Variants in TRPM3 observed in about 807,000 individuals in gnomAD.
TRPM3 encodes the protein long transient receptor potential channel 3.
A neutral mutation model predicts 181.2 loss-of-function variants in TRPM3; 77 were observed. The observed-to-expected ratio is 0.42, with a 90% CI of 0.35 to 0.51. The LOEUF (loss-of-function observed/expected upper bound fraction) is 0.51. TRPM3 is among the 20% of genes least tolerant of loss of function. The probability of loss-of-function intolerance (pLI) is 0.01; values close to 1 mark genes in which losing one functional copy is unlikely to be tolerated. For missense variants in TRPM3, 1,759 were observed against 2,196.7 expected, an observed-to-expected ratio of 0.80 and a Z score of 3.98; for synonymous variants, 745 against 796.4, an observed-to-expected ratio of 0.94 and a Z score of 1.09.
intron 9 of TRPM3, among the ~76,000 whole-genome samples, chr9:70,675,397 A>C (rs1324308684): frequency 2.6e-5 from 4 of 152,218 alleles, no homozygotes; most frequent in Admixed American, 2.6e-4. Flanking sequence ...TGCCAGGCCC[A>C]TGTTATTTTT....
chr9:70,910,599 T>C (rs10868928), intron 1 of TRPM3, among the ~76,000 whole-genome samples: 47,961 of 152,116 alleles, frequency 0.32, 8,702 homozygotes, highest in Non-Finnish European at 0.39. Flanking sequence ...AGGTATGCCA[T>C]AGAAGCTGAA....
chr9:70,664,966 C>T (rs906608834), intron 9 of TRPM3, among the ~76,000 whole-genome samples: 8 of 152,262 alleles, frequency 5.3e-5, no homozygotes, highest in South Asian at 2.1e-4. Flanking sequence ...GTACCTCTCA[C>T]GCCCTCCCAG....
intron 1 of TRPM3, among the ~76,000 whole-genome samples, chr9:71,380,503 G>A (rs766763383): frequency 9.9e-5 from 15 of 151,798 alleles, no homozygotes; most frequent in Non-Finnish European, 1.9e-4. Flanking sequence ...CCTTAATCCT[G>A]GGGAATCAGT....
chr9:70,851,524 T>C (rs992425732), intron 3 of TRPM3, among the ~76,000 whole-genome samples: 17 of 152,182 alleles, frequency 1.1e-4, no homozygotes, highest in African/African-American at 3.4e-4. Flanking sequence ...CAGTAAGAAA[T>C]GAAAAGGGTC....
At chr9:71,167,167 C>T (rs1330374447) in intron 1 of TRPM3, among the ~76,000 whole-genome samples, 1 of 152,044 alleles carries the variant, frequency 6.6e-6, no homozygotes, top group East Asian at 1.9e-4. Context: ...TTTAAAAGAC[C>T]ATTTGTGCTA....
intron 1 of TRPM3, among the ~76,000 whole-genome samples, chr9:71,146,391 G>A (rs566628772): frequency 4.6e-5 from 7 of 152,188 alleles, no homozygotes; most frequent in Non-Finnish European, 8.8e-5. Flanking sequence ...ACGAAATTTT[G>A]AAACCTCAAG....
chr9:71,389,429 C>T lies in TRPM3; in HGVS notation c.183+57224G>A, dbSNP rs375108237. 4.6e-5 allele frequency among the ~76,000 whole-genome samples: 7 copies of T among 152,092 alleles called. No individual in the cohort carries two copies. The East Asian group carries it at 9.6e-4, about 21-fold the overall frequency. On this transcript the variant is annotated intron_variant, in intron 1 of 24. Coordinates refer to the TRPM3 transcript ENST00000357533. ...CACTATGGAAAACAGTGTGGAGATT[C>T]CCTAAAGAACTAAAAGTAGAACTAC...
At chr9:71,225,349 G>A (rs2309890) in intron 1 of TRPM3, among the ~76,000 whole-genome samples, 60,689 of 151,246 alleles carry the variant, frequency 0.4, 12,950 homozygotes, top group East Asian at 0.52. Context: ...GAAAAAAAAA[G>A]AACTTTTACC....
rs112600276 is a variant in TRPM3, at chr9:71,032,089, A to AG, written c.177+89088_177+89089insC. On this transcript the variant is annotated intron_variant, in intron 1 of 25. Transcript: ENST00000677713. ...ATATTATATTATATTATATATATAT[A>AG]ATTATATAATATTATATATATTATA... 2.5e-4 allele frequency among the ~76,000 whole-genome samples: 3 copies of AG among 11,996 alleles called. No individual in the cohort carries two copies. The Admixed American group carries it at 4.3e-3, about 17-fold the overall frequency. The allele number at this position is 11,996 out of a possible 152,430, so 7.9% of individuals were successfully genotyped here.
intron 1 of TRPM3, among the ~76,000 whole-genome samples, chr9:71,018,316 A>C (rs2097803198): frequency 6.6e-6 from 1 of 151,774 alleles, no homozygotes; most frequent in Non-Finnish European, 1.5e-5. Flanking sequence ...AAAAAAGGAA[A>C]TAATGAAGAT....
In TRPM3 at chr9:70,618,720, C is replaced by T. The variant is rs1249966775; in HGVS notation, c.2358+147G>A. On this transcript the variant is annotated intron_variant, in intron 17 of 25. Transcript: ENST00000677713. ...ATGGAATAAACAAAACCAAGCAACA[C>T]TCTACAGGATTCTGAGGCACAGTCA... is the stretch of plus-strand genomic sequence containing the variant. 9 of 727,662 alleles carry T rather than the reference C, an allele frequency of 1.2e-5. No individual in the cohort carries two copies. The East Asian group carries it at 2.4e-4, about 19-fold the overall frequency. 45.1% of individuals were successfully genotyped at this position (727,662 alleles called of 1,614,324 possible).
chr9:70,853,666 A>G (rs1225110091), intron 3 of TRPM3, among the ~76,000 whole-genome samples: 5 of 152,220 alleles, frequency 3.3e-5, no homozygotes, highest in African/African-American at 1.2e-4. Flanking sequence ...ATTCTTACAC[A>G]AAGGAACATT....
At chr9:70,998,667 C>G (rs2097569096) in intron 1 of TRPM3, among the ~76,000 whole-genome samples, 1 of 152,148 alleles carries the variant, frequency 6.6e-6, no homozygotes, top group African/African-American at 2.4e-5. Context: ...TCCATCACTA[C>G]TTCTTAGTTG....
At chr9:71,375,538 C>T (rs936852596) in intron 1 of TRPM3, among the ~76,000 whole-genome samples, 5 of 152,122 alleles carry the variant, frequency 3.3e-5, no homozygotes, top group African/African-American at 1.2e-4. Flanking sequence ...TCTAATTAAA[C>T]GAAAGAGCTT....
intron 1 of TRPM3, among the ~76,000 whole-genome samples, chr9:71,198,271 G>A (rs1178426975): frequency 6.6e-6 from 1 of 152,016 alleles, no homozygotes; most frequent in African/African-American, 2.4e-5. Context: ...TTTGGTTACT[G>A]TAGCCTTGTA....
At chr9:71,267,858 G>A (rs898762051) in intron 1 of TRPM3, among the ~76,000 whole-genome samples, 3 of 152,186 alleles carry the variant, frequency 2.0e-5, no homozygotes, top group South Asian at 2.1e-4. Flanking sequence ...CACCTAAAAC[G>A]AACCTCAGAT....
Position 70,549,601 on chromosome 9 carries a change from T to C in TRPM3, c.3648A>G (p.Arg1216=). 1 of 1,613,776 alleles carries C rather than the reference T, an allele frequency of 6.2e-7. No homozygotes were observed. Among genetic ancestry groups the C allele is most frequent in the Non-Finnish European group, 8.5e-7 (1 of 1,179,922 alleles). The change falls in exon 25 of 26, where the codon AGA becomes AGG. Residue 1216 remains arginine (R), a synonymous_variant. Transcript: ENST00000677713. ...FEEQCIEEYF[R]EKDDRFNSSN... ...ATGAGTTGAACCGATCATCCTTTTC[T>C]CTGAAGTATTCTTCTATGCATTGCT...
At chr9:71,224,820 A>G (rs576910972) in intron 1 of TRPM3, among the ~76,000 whole-genome samples, 1 of 152,208 alleles carries the variant, frequency 6.6e-6, no homozygotes, top group African/African-American at 2.4e-5. Flanking sequence ...TGCAACTGGC[A>G]TACTGAAGAA....
Position 71,217,106 on chromosome 9 carries a change from A to T in TRPM3, c.183+229547T>A, listed in dbSNP as rs2079933599. ...GCTGGGACTACAGGCGCCCGCTACC[A>T]CGCCCGGCTAATTTTTTGTATTTTT... On this transcript the variant is annotated intron_variant, in intron 1 of 24. Transcript: ENST00000357533. Among the ~76,000 whole-genome samples the T allele has an allele frequency of 2.0e-5, 3 of 150,354 alleles. No homozygotes were observed. In the South Asian group the frequency reaches 6.3e-4, roughly 32 times the overall value.
Sources: allele counts gnomAD v4.1 joint callset (sites outside exome capture counted in the v4.1 genomes callset), GRCh38; gene constraint gnomAD v4.1.1; transcripts MANE v1.5; gene names NCBI Gene and HGNC (gene_info 2026-07-23, HGNC 2026-07-21).